Variants in CFAP61 observed in about 807,000 individuals in gnomAD.
The protein encoded by CFAP61 is cilia and flagella associated protein 61.
A neutral mutation model predicts 135.6 loss-of-function variants in CFAP61; 107 were observed. That is an observed-to-expected ratio of 0.79 (90% CI 0.67 to 0.93). CFAP61 has a LOEUF of 0.93. CFAP61 is among the 40% of genes least tolerant of loss of function. The pLI is 0.00. For synonymous variants in CFAP61, 575 were observed against 578.5 expected (o/e 0.99, Z 0.09); for missense variants, 1,507 against 1,556.2 (o/e 0.97, Z 0.53).
intron 8 of CFAP61, among the ~76,000 whole-genome samples, chr20:20,113,127 T>C (rs2048912053): frequency 1.3e-5 from 2 of 152,208 alleles, no homozygotes; most frequent in Non-Finnish European, 2.9e-5. Context: ...AAAGAGAATG[T>C]GCATTCTCTG....
intron 18 of CFAP61, among the ~76,000 whole-genome samples, chr20:20,240,803 T>C (rs1328208093): frequency 6.6e-6 from 1 of 152,206 alleles, no homozygotes; most frequent in African/African-American, 2.4e-5. Flanking sequence ...CACTGAGTTC[T>C]GGCTAGGTAA....
intron 2 of CFAP61, among the ~76,000 whole-genome samples, chr20:20,067,685 A>G (rs1197500161): frequency 1.4e-5 from 2 of 139,556 alleles, no homozygotes; most frequent in Admixed American, 7.6e-5. Context: ...TATATTATAT[A>G]TAATTTTTTT....
At chr20:20,197,960 T>C (rs913078204) in intron 16 of CFAP61, among the ~76,000 whole-genome samples, 11 of 152,240 alleles carry the variant, frequency 7.2e-5, no homozygotes, top group Non-Finnish European at 1.2e-4. Flanking sequence ...CAATCTAAAG[T>C]GTGTTAGTAC....
At position 20,225,276 on chromosome 20, in the gene CFAP61, A is replaced by G. The variant is rs866422159; in HGVS notation, c.1933-2973A>G. 3.9e-5 allele frequency: 6 copies of G among 152,334 alleles called. No individual in the cohort carries two copies. The Middle Eastern group carries it at 0.01, about 259-fold the overall frequency. 9.4% of individuals were successfully genotyped at this position (152,334 alleles called of 1,614,324 possible). On this transcript the variant is annotated intron_variant, in intron 17 of 26. Transcript: ENST00000245957. ...CCGTCTGTACTAATAAAAGAAAAAC[A>G]CGATTTTTTCAGGTCAGAAGACTTC...
intron 17 of CFAP61, among the ~76,000 whole-genome samples, chr20:20,212,057 G>A (rs770247085): frequency 6.6e-6 from 1 of 152,204 alleles, no homozygotes; most frequent in Non-Finnish European, 1.5e-5. Flanking sequence ...TATATCACAA[G>A]TCTTTTGATT....
chr20:20,154,456 C>G (rs975699888), intron 9 of CFAP61, among the ~76,000 whole-genome samples: 1 of 151,810 alleles, frequency 6.6e-6, no homozygotes, highest in African/African-American at 2.4e-5. Context: ...CTAGAAAACC[C>G]TAAGGACTCA....
At chr20:20,296,108 TCCCTCCTTCCCTTCC>T (rs1569259389) in intron 24 of CFAP61, among the ~76,000 whole-genome samples, 15 of 9,228 alleles carry the variant, frequency 1.6e-3, no homozygotes, top group Non-Finnish European at 2.1e-3. Context: ...CTTCCTTCCC[TCCCTCCTTCCCTTCC>T]TTCCTTCCTT....
At chr20:20,297,201 A>G (rs1225029545) in intron 24 of CFAP61, among the ~76,000 whole-genome samples, 1 of 152,130 alleles carries the variant, frequency 6.6e-6, no homozygotes, top group African/African-American at 2.4e-5. Context: ...TAAAAGTTAA[A>G]CCGTGTGTCC....
intron 6 of CFAP61, 96 bp from the exon 7 acceptor site, chr20:20,090,748 C>A: frequency 8.0e-7 from 1 of 1,248,546 alleles, no homozygotes; most frequent in Non-Finnish European, 1.1e-6. Flanking sequence ...TGCTCTAGCC[C>A]CGGCACTTAG....
chr20:20,110,662 G>A (rs1262380820), intron 8 of CFAP61, among the ~76,000 whole-genome samples: 3 of 152,140 alleles, frequency 2.0e-5, no homozygotes, highest in Admixed American at 6.5e-5. Flanking sequence ...TGGTGATGGC[G>A]TAGATAGCAA....
At chr20:20,076,914 C>T (rs1253637785) in intron 6 of CFAP61, among the ~76,000 whole-genome samples, 4 of 152,018 alleles carry the variant, frequency 2.6e-5, no homozygotes, top group Admixed American at 1.3e-4. Flanking sequence ...TGGGTGTAAG[C>T]GTATTGTCTA....
chr20:20,089,068 C>T (rs1268614322), intron 6 of CFAP61, among the ~76,000 whole-genome samples: 1 of 152,112 alleles, frequency 6.6e-6, no homozygotes, highest in Non-Finnish European at 1.5e-5. Context: ...AGGACGATAA[C>T]CTCTGGCCCC....
chr20:20,201,386 C>G (rs1025167510), intron 17 of CFAP61, among the ~76,000 whole-genome samples: 1 of 152,194 alleles, frequency 6.6e-6, no homozygotes, highest in African/African-American at 2.4e-5. Flanking sequence ...GTGCCCCCAC[C>G]ACTTCCCCTT....
At chr20:20,165,097 A>T (rs1268009509) in intron 11 of CFAP61, among the ~76,000 whole-genome samples, 1 of 152,196 alleles carries the variant, frequency 6.6e-6, no homozygotes, top group Admixed American at 6.5e-5. Flanking sequence ...CAGCCAAACC[A>T]TATCACCCTA....
chr20:20,064,817 A>T (rs1449695502), intron 2 of CFAP61, among the ~76,000 whole-genome samples: 1 of 152,202 alleles, frequency 6.6e-6, no homozygotes, highest in Admixed American at 6.5e-5. Context: ...CCCCGTCAAA[A>T]TCCTAACAAG....
chr20:20,325,571 T>G (rs2057713399), intron 25 of CFAP61, among the ~76,000 whole-genome samples: 1 of 152,254 alleles, frequency 6.6e-6, no homozygotes, highest in Non-Finnish European at 1.5e-5. Flanking sequence ...TAGCACTGAA[T>G]AATATTCCAT....
chr20:20,360,274 C>A lies in CFAP61; in HGVS notation c.3578C>A (p.Thr1193Asn), dbSNP rs1271336202. ...ATAGAAGATGAGGAAATCAACCCGA[C>A]TGAGAAGCCCAGGCAATACCTCAAA... ...HQIEDEEINP[T>N]EKPRQYLKRV... The change falls in exon 27 of 27, where the codon ACT (threonine) becomes AAT (asparagine). Residue 1193 changes from threonine to asparagine, a missense_variant. By Grantham distance (65) the Thr-to-Asn change is moderately conservative. Transcript: ENST00000245957. The A allele has an allele frequency of 6.2e-6, 10 of 1,613,948 alleles. No individual in the cohort carries two copies. The highest frequency in any genetic ancestry group is 8.5e-6 in the Non-Finnish European group (10 of 1,179,984).
At chr20:20,287,857 C>T (rs1002882066) in intron 22 of CFAP61, among the ~76,000 whole-genome samples, 5 of 152,134 alleles carry the variant, frequency 3.3e-5, no homozygotes, top group South Asian at 2.1e-4. Flanking sequence ...GTGTGGAAGA[C>T]GATGTCCAGA....
chr20:20,260,142 C>G (rs149294636), intron 20 of CFAP61, among the ~76,000 whole-genome samples: 1 of 152,208 alleles, frequency 6.6e-6, no homozygotes, highest in African/African-American at 2.4e-5. Flanking sequence ...TGTCTGCCTA[C>G]AAACTCCTCT....
Sources: allele counts gnomAD v4.1 joint callset (sites outside exome capture counted in the v4.1 genomes callset), GRCh38; gene constraint gnomAD v4.1.1; transcripts MANE v1.5; gene names NCBI Gene and HGNC (gene_info 2026-07-23, HGNC 2026-07-21).